Variants in PPM1K observed in about 807,000 individuals in gnomAD.
PPM1K encodes the protein protein phosphatase Mn(2+)-dependent 1K.
PPM1K carries 19 observed loss-of-function variants against 32.6 expected under a neutral mutation model. That is an observed-to-expected ratio of 0.58 (90% CI 0.41 to 0.86). The LOEUF is 0.86. PPM1K is among the 40% of genes least tolerant of loss of function. The pLI is 0.00. For synonymous variants in PPM1K, 159 were observed against 165.3 expected (o/e 0.96, Z 0.29); for missense variants, 362 against 461.2 (o/e 0.78, Z 1.97).
chr4:88,282,545 G>C, intron 1 of PPM1K, among the ~76,000 whole-genome samples: 1 of 152,120 alleles, frequency 6.6e-6, no homozygotes, highest in South Asian at 2.1e-4. Flanking sequence ...AATTCAAATA[G>C]TATGGAAATT....
chr4:88,284,132 G>C (rs1464287029), intron 1 of PPM1K: 1 of 152,198 alleles, frequency 6.6e-6, no homozygotes, highest in East Asian at 1.9e-4. Context: ...GTCTGGGCTG[G>C]AAACCCGCCG....
chr4:88,278,542 C>A lies in PPM1K; in HGVS notation c.42G>T (p.Gly14=). 6.2e-7 allele frequency: 1 copy of A among 1,613,634 alleles called. No individual in the cohort carries two copies. Among genetic ancestry groups the A allele is most frequent in the Non-Finnish European group, 8.5e-7 (1 of 1,179,802 alleles). ...GCAGCACTCTCCTTCTCACCTGGTT[C>A]CCACCACTTCTGACCAAAGTAATTA... ...AALITLVRSG[G]NQVRRRVLLS... Residue 14 remains glycine (G), a synonymous_variant, in exon 2 of 7, where the codon GGG becomes GGT. Coordinates refer to ENST00000608933, the MANE Select transcript of PPM1K (RefSeq NM_152542.5). This position sits in a 1 kb window ranked among gnomAD's most constrained non-coding sequence, Gnocchi z 4.2.
intron 3 of PPM1K, chr4:88,276,931 A>G: frequency 1.4e-6 from 1 of 719,432 alleles, no homozygotes; most frequent in South Asian, 4.5e-5. Flanking sequence ...AAATTCTCCA[A>G]TATATTTCAT....
At chr4:88,282,757 G>A (rs1732065920) in intron 1 of PPM1K, among the ~76,000 whole-genome samples, 1 of 152,230 alleles carries the variant, frequency 6.6e-6, no homozygotes, top group Admixed American at 6.5e-5. Flanking sequence ...AATGTGAGCA[G>A]TGAAAAGTAC....
Position 88,281,132 on chromosome 4 carries a change from TA to T in PPM1K, c.-59-2491del, listed in dbSNP as rs200500175. The stretch of plus-strand genomic sequence containing the variant: ...ATCATATAGAAAAAAAAAAGAACTT[TA>T]AAGAAATACAATTATTAGAAAATAT... On this transcript the variant is annotated intron_variant, in intron 1 of 6. Coordinates refer to ENST00000608933, the MANE Select transcript of PPM1K (RefSeq NM_152542.5). Among the ~76,000 whole-genome samples, 1,446 of 152,300 alleles carry T rather than the reference TA, an allele frequency of 9.5e-3. 17 individuals are homozygous for T. Among genetic ancestry groups the T allele is most frequent in the African/African-American group, 0.032 (1,314 of 41,572 alleles).
In PPM1K at chr4:88,278,376, G is replaced by A. The variant is rs372205324; in HGVS notation, c.208C>T (p.Arg70Cys). 8.1e-5 allele frequency: 131 copies of A among 1,614,016 alleles called. No homozygotes were observed. The East Asian group carries it at 9.8e-4, about 12-fold the overall frequency. ...TWDNFGIWDN[R>C]IDEPILLPPS... ...GGCAGCAGAATTGGCTCATCAATGC[G>A]GTTATCCCAGATCCCAAAATTGTCC... is the stretch of plus-strand genomic sequence containing the variant. The change falls in exon 2 of 7, where the codon CGC becomes TGC. Residue 70 changes from arginine to cysteine, a missense_variant. Arg to Cys is a radical substitution (Grantham distance 180). Coordinates refer to ENST00000608933, the MANE Select transcript of PPM1K (RefSeq NM_152542.5). This position sits in a 1 kb window ranked among gnomAD's most constrained non-coding sequence, Gnocchi z 4.2.
intron 5 of PPM1K, among the ~76,000 whole-genome samples, 161 bp downstream of exon 5, chr4:88,268,029 T>C (rs1195480486): frequency 6.6e-6 from 1 of 152,204 alleles, no homozygotes; most frequent in African/African-American, 2.4e-5. Context: ...GCCAGAATAG[T>C]AGCATCTTAT....
rs1731163521 is a variant in PPM1K, at chr4:88,262,654, T to G, written c.1060A>C (p.Asn354His). The change falls in exon 7 of 7, where the codon AAC becomes CAC. Residue 354 changes from asparagine to histidine, a missense_variant. Coordinates refer to ENST00000608933, the MANE Select transcript of PPM1K (RefSeq NM_152542.5). ...CTGAATGAGAAGTTGATTTCAGAGT[T>G]CTTATATTTTCCCCAGGCACCAAAA... ...VPFGAWGKYKNSEINFSFSRS... is the reference protein window; with the variant it reads ...VPFGAWGKYKHSEINFSFSRS... The G allele has an allele frequency of 6.2e-7, 1 of 1,614,120 alleles. No homozygotes were observed. Among genetic ancestry groups the G allele is most frequent in the Non-Finnish European group, 8.5e-7 (1 of 1,180,004 alleles).
At position 88,278,038 on chromosome 4, in the gene PPM1K, AC is replaced by A; in HGVS notation, c.440+105del. ...CTCATTCGTGAAGCAGCAGCATGCA[AC>A]CACTCAAGTAACTATGTTTACGCTG... On this transcript the variant is annotated intron_variant, in intron 2 of 6. Transcript: ENST00000608933. This position sits in a 1 kb window ranked among gnomAD's most constrained non-coding sequence, Gnocchi z 4.2. 9.3e-6 allele frequency: 8 copies of A among 861,090 alleles called. No individual in the cohort carries two copies. Among genetic ancestry groups the A allele is most frequent in the Non-Finnish European group, 1.4e-5 (8 of 556,424 alleles). 53.3% of individuals were successfully genotyped at this position (861,090 alleles called of 1,614,324 possible).
At chr4:88,270,211 CATAA>C (rs532643610) in intron 3 of PPM1K, among the ~76,000 whole-genome samples, 63 of 152,118 alleles carry the variant, frequency 4.1e-4, no homozygotes, top group African/African-American at 1.3e-3. Flanking sequence ...GAGATATATA[CATAA>C]ATAGATTTTT....
intron 3 of PPM1K, among the ~76,000 whole-genome samples, chr4:88,271,882 A>T (rs1400993668): frequency 6.6e-6 from 1 of 152,224 alleles, no homozygotes; most frequent in South Asian, 2.1e-4. Flanking sequence ...TTTGAGTAGA[A>T]TGATTAATTT....
Position 88,262,648 on chromosome 4 carries a change from C to A in PPM1K, c.1066G>T (p.Glu356Ter). ...CTTCTGCTGAATGAGAAGTTGATTT[C>A]AGAGTTCTTATATTTTCCCCAGGCA... The part of the protein sequence containing the change: ...FGAWGKYKNS[E>*]INFSFSRSFA... Residue 356 changes from glutamate (E) to a stop codon, truncating the protein, a stop_gained, in exon 7 of 7, where the codon GAA (glutamate) becomes TAA (stop). Transcript: ENST00000608933. LOFTEE classifies it high-confidence loss of function. 6.2e-7 allele frequency: 1 copy of A among 1,614,100 alleles called. No individual in the cohort carries two copies.
chr4:88,264,883 G>A, intron 6 of PPM1K, 118 bp downstream of exon 6: 1 of 1,054,650 alleles, frequency 9.5e-7, no homozygotes, highest in South Asian at 2.1e-5. Flanking sequence ...TTTATAATTG[G>A]AAATATTATG....
At chr4:88,265,205 G>T in intron 5 of PPM1K, 70 bp from the exon 6 acceptor site, 1 of 1,575,218 alleles carries the variant, frequency 6.3e-7, no homozygotes, top group Non-Finnish European at 8.7e-7. Flanking sequence ...CTAATTCAAA[G>T]ATTTTACCTG....
intron 5 of PPM1K, among the ~76,000 whole-genome samples, chr4:88,265,535 G>C (rs1731271094): frequency 6.6e-6 from 1 of 152,156 alleles, no homozygotes; most frequent in Non-Finnish European, 1.5e-5. Flanking sequence ...GGAACTGTGA[G>C]CCCATTAAAC....
At chr4:88,268,446 C>T in intron 4 of PPM1K, 112 bp from the exon 5 acceptor site, 1 of 1,270,162 alleles carries the variant, frequency 7.9e-7, no homozygotes, top group Non-Finnish European at 1.1e-6. Context: ...CACGGTGAAA[C>T]CCCGTCTCTA....
At chr4:88,267,228 G>A (rs557660228) in intron 5 of PPM1K, among the ~76,000 whole-genome samples, 35 of 146,634 alleles carry the variant, frequency 2.4e-4, no homozygotes, top group South Asian at 4.4e-4. Context: ...GGCTGATTGG[G>A]TGCAGATGAT....
chr4:88,281,309 A>C (rs999146041), intron 1 of PPM1K, among the ~76,000 whole-genome samples: 3 of 152,194 alleles, frequency 2.0e-5, no homozygotes, highest in Admixed American at 2.0e-4. Context: ...ATAAATATTG[A>C]AGTTTTTCTG....
chr4:88,278,448 T>C lies in PPM1K; in HGVS notation c.136A>G (p.Arg46Gly), dbSNP rs1731880796. ...PTCHSSTSEP[R>G]CSRFDPDGSG... ...CCATCTGGGTCAAACCGAGAACACC[T>C]AGGCTCTGAAGTGGAGCTGTGGCAC... Residue 46 changes from arginine (R) to glycine (G), a missense_variant, in exon 2 of 7, where the codon AGG becomes GGG. By Grantham distance (125) the Arg-to-Gly change is moderately radical. Coordinates refer to ENST00000608933, the MANE Select transcript of PPM1K (RefSeq NM_152542.5). This position sits in a 1 kb window ranked among gnomAD's most constrained non-coding sequence, Gnocchi z 4.2. The C allele has an allele frequency of 6.2e-7, 1 of 1,614,032 alleles. No homozygotes were observed. Among genetic ancestry groups the C allele is most frequent in the African/African-American group, 1.3e-5 (1 of 74,906 alleles).
Sources: allele counts gnomAD v4.1 joint callset (sites outside exome capture counted in the v4.1 genomes callset), GRCh38; gene constraint gnomAD v4.1.1; non-coding constraint Gnocchi (gnomAD v3.1); transcripts MANE v1.5; gene names NCBI Gene and HGNC (gene_info 2026-07-23, HGNC 2026-07-21).